Variants in TMEM17 observed in about 807,000 individuals in gnomAD.
TMEM17 encodes the protein transmembrane protein 17.
A neutral mutation model predicts 19.1 loss-of-function variants in TMEM17; 15 were observed. That is an observed-to-expected ratio of 0.78 (90% CI 0.52 to 1.21). TMEM17 has a LOEUF of 1.21. Ranked by LOEUF, TMEM17 falls within the 50% of genes most tolerant of loss-of-function variation. The probability of loss-of-function intolerance (pLI) is 0.00; values close to 1 mark genes in which losing one functional copy is unlikely to be tolerated. For synonymous variants in TMEM17, 103 were observed against 86.9 expected, an observed-to-expected ratio of 1.19 and a Z score of -1.03; for missense variants, 245 against 242.3, an observed-to-expected ratio of 1.01 and a Z score of -0.07.
chr2:62,506,187 A>T lies in TMEM17; in HGVS notation c.-58T>A. 1 of 1,475,566 alleles carries T rather than the reference A, an allele frequency of 6.8e-7. No homozygotes were observed. 91.4% of individuals were successfully genotyped at this position (1,475,566 alleles called of 1,614,324 possible). ...CACGGGCTAGTCTGCGGGCGCTCCG[A>T]GGCTCCGTGGTTCCCACGGCAACCG... On this transcript the variant is annotated 5_prime_UTR_variant, in exon 1 of 4. Transcript: ENST00000335390.
At position 62,500,368 on chromosome 2, in the gene TMEM17, C is replaced by A. The variant is rs910042373; in HGVS notation, c.*841G>T. On this transcript the variant is annotated 3_prime_UTR_variant, in exon 4 of 4. Coordinates refer to ENST00000335390, the MANE Select transcript of TMEM17 (RefSeq NM_198276.3). ...AAGGCAATCCACCTGTTTTCTTCTT[C>A]ATCTCAGTATAACAGCTAATATTAG... is the stretch of plus-strand genomic sequence containing the variant. 6.6e-6 allele frequency: 1 copy of A among 152,166 alleles called. No homozygotes were observed. The highest frequency in any genetic ancestry group is 2.4e-5 in the African/African-American group (1 of 41,436). The allele number at this position is 152,166 out of a possible 1,614,324, so 9.4% of individuals were successfully genotyped here.
At chr2:62,471,662 G>A in the TMEM17 span, among the ~76,000 whole-genome samples, 4 of 152,360 alleles carry the variant, frequency 2.6e-5, no homozygotes, top group South Asian at 8.3e-4. Flanking sequence ...GTGCTGGGGA[G>A]GGGGAGGAGC....
chr2:62,498,572 C>T (rs1427815247), downstream of TMEM17, among the ~76,000 whole-genome samples: 2 of 147,944 alleles, frequency 1.4e-5, no homozygotes, highest in Non-Finnish European at 3.0e-5. Flanking sequence ...AAAAATTAGC[C>T]GGGCGTGGTG....
the TMEM17 span, among the ~76,000 whole-genome samples, chr2:62,475,584 C>T: frequency 6.6e-6 from 1 of 152,238 alleles, no homozygotes; most frequent in South Asian, 2.1e-4. Context: ...AAGCTGTTAA[C>T]AAGAGCCTCC....
At chr2:62,479,464 C>A in the TMEM17 span, among the ~76,000 whole-genome samples, 1 of 152,130 alleles carries the variant, frequency 6.6e-6, no homozygotes, top group Non-Finnish European at 1.5e-5. Context: ...TTTCTTTACC[C>A]ATTCATCCGT....
chr2:62,472,143 A>T, the TMEM17 span, among the ~76,000 whole-genome samples: 2 of 152,228 alleles, frequency 1.3e-5, no homozygotes, highest in African/African-American at 4.8e-5. Context: ...CTTTTTGGAA[A>T]ATAGGATAGG....
the TMEM17 span, among the ~76,000 whole-genome samples, chr2:62,475,851 C>T: frequency 1.3e-5 from 2 of 152,212 alleles, no homozygotes; most frequent in Non-Finnish European, 2.9e-5. Context: ...CAGACCAATG[C>T]TGCTGAACAG....
the TMEM17 span, chr2:62,463,996 C>G: frequency 1.3e-5 from 2 of 152,228 alleles, no homozygotes; most frequent in Admixed American, 6.5e-5. Context: ...CCTACCCCCC[C>G]ATCCCCTTTT....
the TMEM17 span, among the ~76,000 whole-genome samples, chr2:62,490,223 CA>C: frequency 6.6e-6 from 1 of 151,774 alleles, no homozygotes; most frequent in Non-Finnish European, 1.5e-5. Context: ...TCTGTAGGAC[CA>C]AAAATTGATT....
the TMEM17 span, among the ~76,000 whole-genome samples, chr2:62,477,758 C>A: frequency 6.6e-6 from 1 of 152,202 alleles, no homozygotes; most frequent in Non-Finnish European, 1.5e-5. Context: ...TGACTTGACC[C>A]TTGGAATGAC....
chr2:62,468,803 G>T, the TMEM17 span, among the ~76,000 whole-genome samples: 2 of 152,258 alleles, frequency 1.3e-5, no homozygotes, highest in African/African-American at 4.8e-5. Context: ...GGCTGTCAGA[G>T]AACTGGGGGA....
chr2:62,481,221 C>T, the TMEM17 span, among the ~76,000 whole-genome samples: 11 of 151,902 alleles, frequency 7.2e-5, no homozygotes, highest in East Asian at 2.1e-3. Context: ...AAATGGATTG[C>T]TTTCCTGATT....
At chr2:62,478,396 G>A in the TMEM17 span, among the ~76,000 whole-genome samples, 3,969 of 152,292 alleles carry the variant, frequency 0.026, 85 homozygotes, top group Non-Finnish European at 0.037. Context: ...CAGGAATGAG[G>A]AAGTTCAGAG....
At chr2:62,503,352 T>G (rs1424857003) in intron 1 of TMEM17, among the ~76,000 whole-genome samples, 1 of 152,140 alleles carries the variant, frequency 6.6e-6, no homozygotes, top group East Asian at 1.9e-4. Context: ...CAGAAATACC[T>G]TTCCCCTTTA....
the TMEM17 span, among the ~76,000 whole-genome samples, chr2:62,481,091 C>A: frequency 6.6e-6 from 1 of 151,972 alleles, no homozygotes; most frequent in Non-Finnish European, 1.5e-5. Context: ...TTTTTGTATT[C>A]TCTTTAATTT....
At chr2:62,497,333 T>G (rs540253611), downstream of TMEM17, among the ~76,000 whole-genome samples, 1 of 152,320 alleles carries the variant, frequency 6.6e-6, no homozygotes, top group South Asian at 2.1e-4. Flanking sequence ...GGATTCAGAA[T>G]AGAGTTCTGA....
At chr2:62,503,396 G>A (rs997679318) in intron 1 of TMEM17, among the ~76,000 whole-genome samples, 6 of 152,096 alleles carry the variant, frequency 3.9e-5, no homozygotes, top group Non-Finnish European at 8.8e-5. Flanking sequence ...AATAAGAAGT[G>A]CTAGCAAAGA....
chr2:62,462,278 A>T, the TMEM17 span, among the ~76,000 whole-genome samples: 1 of 152,180 alleles, frequency 6.6e-6, no homozygotes, highest in Non-Finnish European at 1.5e-5. Context: ...TGCATCAAAA[A>T]GTAAGTAAAG....
the TMEM17 span, among the ~76,000 whole-genome samples, chr2:62,458,387 T>C: frequency 6.6e-6 from 1 of 152,194 alleles, no homozygotes; most frequent in African/African-American, 2.4e-5. Context: ...AGCTCCTAGA[T>C]CATTCTCAGC....
Sources: gnomAD v4.1 joint callset for allele counts (sites outside exome capture counted in the v4.1 genomes callset) on GRCh38, gnomAD v4.1.1 for gene constraint, MANE v1.5 for transcripts, NCBI Gene and HGNC (gene_info 2026-07-23, HGNC 2026-07-21) for gene names.